Variants in NDUFA10 observed in about 807,000 individuals in gnomAD.
NDUFA10 encodes the protein NADH dehydrogenase [ubiquinone] 1 alpha subcomplex subunit 10, mitochondrial.
A neutral mutation model predicts 47.8 loss-of-function variants in NDUFA10; 40 were observed. The observed-to-expected ratio is 0.84, with a 90% confidence interval of 0.65 to 1.09. The LOEUF (loss-of-function observed/expected upper bound fraction) is 1.09. NDUFA10 is among the 50% of genes least tolerant of loss of function. The pLI, the probability that NDUFA10 is intolerant of heterozygous loss-of-function variation, is 0.00. For synonymous variants in NDUFA10, 183 were observed against 172.2 expected, an observed-to-expected ratio of 1.06 and a Z score of -0.49; for missense variants, 413 against 451.1, an observed-to-expected ratio of 0.92 and a Z score of 0.76.
chr2:240,012,144 G>T, intron 5 of NDUFA10: 2 of 220,584 alleles, frequency 9.1e-6, no homozygotes, highest in Non-Finnish European at 1.8e-5. Flanking sequence ...CACCTCCATC[G>T]CTCACCCATC....
intron 4 of NDUFA10, among the ~76,000 whole-genome samples, chr2:239,916,503 C>T (rs910115188): frequency 2.6e-4 from 39 of 152,338 alleles, no homozygotes; most frequent in Admixed American, 2.2e-3. Context: ...CCCAAATGCC[C>T]GTCACAGGCC....
intron 4 of NDUFA10, among the ~76,000 whole-genome samples, chr2:239,916,031 CAG>C (rs201220409): frequency 0.023 from 2,767 of 120,664 alleles, 56 homozygotes; most frequent in Non-Finnish European, 0.03. Flanking sequence ...GAGAGACACA[CAG>C]AGATACTCAC....
Position 240,004,236 on chromosome 2 carries a change from A to T in NDUFA10, c.890+974T>A, listed in dbSNP as rs560909384. Among the ~76,000 whole-genome samples the T allele has an allele frequency of 2.4e-4, 36 of 152,240 alleles. 1 individual carries two copies. In the South Asian group the frequency reaches 7.3e-3, roughly 31 times the overall value. ...CCAGGGAGCAGCATGAAGACAGACAAGGGTCTGCCGCATCTGGAATGGCGA... is the reference window on the plus strand; with the variant it reads ...CCAGGGAGCAGCATGAAGACAGACATGGGTCTGCCGCATCTGGAATGGCGA... On this transcript the variant is annotated intron_variant, in intron 8 of 9. Transcript: ENST00000252711.
intron 4 of NDUFA10, among the ~76,000 whole-genome samples, chr2:239,905,663 G>A (rs755577602): frequency 6.6e-6 from 1 of 152,166 alleles, no homozygotes; most frequent in African/African-American, 2.4e-5. Flanking sequence ...TCTGTTAACA[G>A]ACCTGGATCC....
Position 239,907,019 on chromosome 2 carries a change from C to A in NDUFA10, c.295-11705G>T, listed in dbSNP as rs544932296. ...CCTGACTTCAAACTATACTACAAGG[C>A]TACAGTAATCAAAACAGCATGGTGC... is the stretch of plus-strand genomic sequence containing the variant. On this transcript the variant is annotated intron_variant, in intron 4 of 5. Coordinates refer to the NDUFA10 transcript ENST00000419408. Among the ~76,000 whole-genome samples the A allele has an allele frequency of 4.6e-5, 7 of 152,274 alleles. No individual in the cohort carries two copies. In the East Asian group the frequency reaches 1.4e-3, roughly 29 times the overall value.
intron 9 of NDUFA10, among the ~76,000 whole-genome samples, chr2:239,983,130 C>G (rs1270807441): frequency 6.6e-6 from 1 of 152,172 alleles, no homozygotes; most frequent in Non-Finnish European, 1.5e-5. Flanking sequence ...CTGAGGGGCC[C>G]CCTGAGCACA....
At chr2:239,923,280 A>G (rs1030215722) in intron 4 of NDUFA10, among the ~76,000 whole-genome samples, 1 of 152,248 alleles carries the variant, frequency 6.6e-6, no homozygotes, top group Non-Finnish European at 1.5e-5. Context: ...AAAGATGCAT[A>G]AAAACTGAGC....
intron 5 of NDUFA10, chr2:240,012,497 G>A (rs1697181211): frequency 6.6e-6 from 1 of 152,144 alleles, no homozygotes; most frequent in Non-Finnish European, 1.5e-5. Context: ...AGGAGAGAGA[G>A]GAAGGAAGAA....
At position 239,959,944 on chromosome 2, in the gene NDUFA10, G is replaced by T. The variant is rs1389303228; in HGVS notation, c.*1174C>A. On this transcript the variant is annotated 3_prime_UTR_variant, in exon 10 of 10. Transcript: ENST00000252711. ...GCGAGGCCTGGTAGAGCTTCCGCGG[G>T]GAGCAGAGCATCGTCCTCTGCACCA... 23 of 985,392 alleles carry T rather than the reference G, an allele frequency of 2.3e-5. No homozygotes were observed. The highest frequency in any genetic ancestry group is 2.8e-5 in the Non-Finnish European group (23 of 829,956). 61.0% of individuals were successfully genotyped at this position (985,392 alleles called of 1,614,324 possible). A position where few individuals can be genotyped will look rare whatever the true frequency, so the allele number is the denominator to read the frequency against.
chr2:239,984,233 CA>C (rs11290557), intron 9 of NDUFA10, among the ~76,000 whole-genome samples: 103,452 of 142,002 alleles, frequency 0.73, 36,925 homozygotes, highest in African/African-American at 0.77. Flanking sequence ...AATCGGTTTC[CA>C]AAAAAAAAAA....
intron 4 of NDUFA10, among the ~76,000 whole-genome samples, chr2:239,920,667 T>C (rs528079961): frequency 6.6e-6 from 1 of 152,248 alleles, no homozygotes; most frequent in East Asian, 1.9e-4. Context: ...AGGAAGCAAC[T>C]CTGAAGGTAA....
At chr2:239,948,205 C>T (rs188159263) in intron 4 of NDUFA10, among the ~76,000 whole-genome samples, 63 of 152,384 alleles carry the variant, frequency 4.1e-4, no homozygotes, top group Non-Finnish European at 4.4e-5. Context: ...TGGGCCCTGC[C>T]CACACGTCCG....
chr2:239,906,135 G>A lies in NDUFA10; in HGVS notation c.295-10821C>T, dbSNP rs1351742193. 6.6e-6 allele frequency among the ~76,000 whole-genome samples: 1 copy of A among 152,104 alleles called. No individual in the cohort carries two copies. Among genetic ancestry groups the A allele is most frequent in the East Asian group, 1.9e-4 (1 of 5,190 alleles). On this transcript the variant is annotated intron_variant, in intron 4 of 5. Transcript: ENST00000419408. The surrounding 1 kb of genome is among the most constrained non-coding windows in gnomAD (Gnocchi z 4.3). ...GAGCTCATGACCTTCGGGGGCTCTG[G>A]GCGGGCCCTGCTCTGTGCCTAGATA...
At chr2:239,995,858 T>TA (rs763528907) in intron 8 of NDUFA10, among the ~76,000 whole-genome samples, 1 of 152,126 alleles carries the variant, frequency 6.6e-6, no homozygotes, top group Non-Finnish European at 1.5e-5. Flanking sequence ...TACATAACGA[T>TA]AAAGCGGCCA....
chr2:239,998,493 T>C (rs2106458467), intron 8 of NDUFA10, among the ~76,000 whole-genome samples: 1 of 152,182 alleles, frequency 6.6e-6, no homozygotes, highest in South Asian at 2.1e-4. Context: ...CCTATGCTGC[T>C]GTCTGTGGCA....
At position 240,018,677 on chromosome 2, in the gene NDUFA10, C is replaced by T. The variant is rs144333667; in HGVS notation, c.461-38G>A. ...AGGCAAACAGAAATTGAAAATCAGA[C>T]AGATAGCAAAGCACTGTCAACTGAT... On this transcript the variant is annotated intron_variant, in intron 3 of 9. Coordinates refer to ENST00000252711, the MANE Select transcript of NDUFA10 (RefSeq NM_004544.4). 5.0e-6 allele frequency: 8 copies of T among 1,604,326 alleles called. No homozygotes were observed. The African/African-American group carries it at 8.0e-5, about 16-fold the overall frequency.
intron 4 of NDUFA10, among the ~76,000 whole-genome samples, chr2:239,950,715 A>G (rs1189814279): frequency 6.6e-6 from 1 of 152,202 alleles, no homozygotes; most frequent in Admixed American, 6.5e-5. Context: ...TCACATGGCC[A>G]CCACGTGCAG....
intron 5 of NDUFA10, among the ~76,000 whole-genome samples, chr2:239,893,713 T>C (rs1177727924): frequency 6.6e-6 from 1 of 152,162 alleles, no homozygotes; most frequent in African/African-American, 2.4e-5. Context: ...ACTGCTGCAT[T>C]GGGGGTTAAG....
chr2:239,946,881 C>A (rs3923002), intron 4 of NDUFA10, among the ~76,000 whole-genome samples: 13,431 of 152,096 alleles, frequency 0.088, 705 homozygotes, highest in Admixed American at 0.14. Context: ...CTTTGATGTC[C>A]TGCCTAACTT....
Sources: gnomAD v4.1 joint callset for allele counts (sites outside exome capture counted in the v4.1 genomes callset) on GRCh38, gnomAD v4.1.1 for gene constraint, Gnocchi (gnomAD v3.1) non-coding constraint, MANE v1.5 for transcripts, NCBI Gene and HGNC (gene_info 2026-07-23, HGNC 2026-07-21) for gene names.